PTPRT: variants seen among roughly 807,000 people sequenced by gnomAD.
PTPRT encodes the protein protein tyrosine phosphatase receptor type T.
In PTPRT, 56 loss-of-function variants were observed where a neutral mutation model predicts 176.8. The observed-to-expected ratio is 0.32, with a 90% CI of 0.26 to 0.40. PTPRT has a LOEUF of 0.40. Ranked by LOEUF, PTPRT falls within the 10% of genes least tolerant of loss-of-function variation. The pLI, the probability that PTPRT is intolerant of heterozygous loss-of-function variation, is 1.00. For missense variants in PTPRT, 1,540 were observed against 1,908.2 expected (o/e 0.81, Z 3.60); for synonymous variants, 783 against 739.0 (o/e 1.06, Z -0.96).
intron 1 of PTPRT, among the ~76,000 whole-genome samples, chr20:42,887,099 C>T (rs767927895): frequency 1.2e-4 from 19 of 152,170 alleles, no homozygotes; most frequent in East Asian, 5.8e-4. Context: ...CTCCTTTAAA[C>T]GCTCACAGGT....
intron 16 of PTPRT, among the ~76,000 whole-genome samples, chr20:42,183,788 T>C (rs1171949594): frequency 6.6e-6 from 1 of 152,196 alleles, no homozygotes; most frequent in East Asian, 1.9e-4. Flanking sequence ...TGACTGCTTT[T>C]AATAATGATA....
chr20:42,337,677 T>C (rs1404541298), intron 11 of PTPRT, among the ~76,000 whole-genome samples: 2 of 152,186 alleles, frequency 1.3e-5, no homozygotes, highest in Admixed American at 1.3e-4. Context: ...GAGTTTCTGA[T>C]TTAGTTGGCT....
intron 2 of PTPRT, among the ~76,000 whole-genome samples, chr20:42,838,630 C>G (rs910225541): frequency 6.6e-6 from 1 of 152,204 alleles, no homozygotes; most frequent in African/African-American, 2.4e-5. Flanking sequence ...GGCCGCTGGA[C>G]AGAGGAGAGG....
At chr20:42,066,364 T>G in the PTPRT span, among the ~76,000 whole-genome samples, 1 of 152,168 alleles carries the variant, frequency 6.6e-6, no homozygotes, top group Non-Finnish European at 1.5e-5. Context: ...TTTAAAAGAC[T>G]ATGGGGGTCA....
chr20:42,111,303 TC>T (rs1986980640), intron 22 of PTPRT, among the ~76,000 whole-genome samples: 1 of 89,208 alleles, frequency 1.1e-5, no homozygotes, highest in African/African-American at 4.8e-5. Context: ...GTTTGATTAT[TC>T]ATTCATTCCT....
At position 42,885,840 on chromosome 20, in the gene PTPRT, C is replaced by T. The variant is rs1030044339; in HGVS notation, c.181G>A (p.Glu61Lys). 1.7e-5 allele frequency: 28 copies of T among 1,609,952 alleles called. No individual in the cohort carries two copies. The highest frequency in any genetic ancestry group is 2.4e-5 in the Non-Finnish European group (28 of 1,177,352). Residue 61 changes from glutamate (E) to lysine (K), a missense_variant, in exon 2 of 31, where the codon GAG (glutamate) becomes AAG (lysine). Glu to Lys is a moderately conservative substitution (Grantham distance 56). Transcript: ENST00000373187. ...GFTWEQINTW[E>K]KPMLDQAVPT... ...ACTGCCTGGTCCAGCATTGGTTTCT[C>T]CCATGTGTTAATCTGCTCCCAGGTG...
intron 1 of PTPRT, among the ~76,000 whole-genome samples, chr20:43,179,323 A>C (rs2015193395): frequency 6.6e-6 from 1 of 152,154 alleles, no homozygotes; most frequent in African/African-American, 2.4e-5. Flanking sequence ...ATAACTTATC[A>C]TATTCTCTAT....
intron 11 of PTPRT, among the ~76,000 whole-genome samples, chr20:42,346,701 G>C (rs1345904287): frequency 6.6e-6 from 1 of 152,188 alleles, no homozygotes; most frequent in Non-Finnish European, 1.5e-5. Flanking sequence ...GGCTTCAGAG[G>C]AGCAGTAAGT....
intron 16 of PTPRT, among the ~76,000 whole-genome samples, chr20:42,197,750 AAGAG>A (rs937579652): frequency 6.6e-6 from 1 of 152,008 alleles, no homozygotes; most frequent in African/African-American, 2.4e-5. Context: ...TAAGGGGAGA[AAGAG>A]AGAGAGGGTG....
At chr20:43,182,684 C>A (rs545838156) in intron 1 of PTPRT, among the ~76,000 whole-genome samples, 2 of 152,246 alleles carry the variant, frequency 1.3e-5, no homozygotes, top group Admixed American at 6.5e-5. Flanking sequence ...AGCCACCACT[C>A]GCCCGGCCGT....
At chr20:42,234,591 A>G (rs772214476) in intron 15 of PTPRT, among the ~76,000 whole-genome samples, 1 of 152,238 alleles carries the variant, frequency 6.6e-6, no homozygotes, top group Non-Finnish European at 1.5e-5. Flanking sequence ...GTGTTCCTGT[A>G]CTACAGTATG....
intron 1 of PTPRT, among the ~76,000 whole-genome samples, chr20:42,895,407 A>C (rs1450386033): frequency 6.6e-6 from 1 of 152,210 alleles, no homozygotes; most frequent in East Asian, 1.9e-4. Flanking sequence ...CCTTGTCTCC[A>C]AACACAGTCA....
chr20:42,588,608 T>A (rs1309793963), intron 7 of PTPRT, among the ~76,000 whole-genome samples: 1 of 152,200 alleles, frequency 6.6e-6, no homozygotes, highest in African/African-American at 2.4e-5. Context: ...ATTATGCATT[T>A]AAATAATATT....
At chr20:43,070,178 G>A (rs1293888508) in intron 1 of PTPRT, among the ~76,000 whole-genome samples, 1 of 152,160 alleles carries the variant, frequency 6.6e-6, no homozygotes, top group Non-Finnish European at 1.5e-5. Context: ...CTGGTGCACA[G>A]TCCGGATAGT....
intron 2 of PTPRT, among the ~76,000 whole-genome samples, chr20:42,844,742 A>G (rs2078339147): frequency 6.6e-6 from 1 of 152,072 alleles, no homozygotes; most frequent in Admixed American, 6.5e-5. Context: ...CATATCTAGA[A>G]TCAGCTTCAC....
intron 14 of PTPRT, among the ~76,000 whole-genome samples, chr20:42,247,700 T>C (rs2056477872): frequency 6.6e-6 from 1 of 152,202 alleles, no homozygotes; most frequent in South Asian, 2.1e-4. Context: ...GATAAATGTT[T>C]TGTTTGCTAT....
chr20:43,026,742 C>T (rs1474433697), intron 1 of PTPRT, among the ~76,000 whole-genome samples: 3 of 152,296 alleles, frequency 2.0e-5, no homozygotes, highest in East Asian at 1.9e-4. Flanking sequence ...ACCCTCACTT[C>T]CCTTCCCAGC....
chr20:42,528,943 C>T (rs2072327904), intron 7 of PTPRT, among the ~76,000 whole-genome samples: 1 of 152,180 alleles, frequency 6.6e-6, no homozygotes, highest in Non-Finnish European at 1.5e-5. Context: ...TGTGTCCTGA[C>T]TTTTTGTTCA....
chr20:42,242,238 T>C (rs1600719301), intron 14 of PTPRT, among the ~76,000 whole-genome samples: 1 of 152,204 alleles, frequency 6.6e-6, no homozygotes, highest in South Asian at 2.1e-4. Context: ...GCACGAACCA[T>C]TAATGCTTAA....
Sources: gnomAD v4.1 joint callset for allele counts (sites outside exome capture counted in the v4.1 genomes callset) on GRCh38, gnomAD v4.1.1 for gene constraint, MANE v1.5 for transcripts, NCBI Gene and HGNC (gene_info 2026-07-23, HGNC 2026-07-21) for gene names.